Variants in CAMSAP1 observed in about 807,000 individuals in gnomAD.
The protein encoded by CAMSAP1 is calmodulin regulated spectrin associated protein 1.
A neutral mutation model predicts 143.5 loss-of-function variants in CAMSAP1; 58 were observed. The observed-to-expected ratio is 0.40, with a 90% CI of 0.33 to 0.50. The LOEUF is 0.50. Ranked by LOEUF, CAMSAP1 falls within the 20% of genes least tolerant of loss-of-function variation. The pLI, the probability that CAMSAP1 is intolerant of heterozygous loss-of-function variation, is 0.45. For synonymous variants in CAMSAP1, 945 were observed against 859.3 expected (o/e 1.10, Z -1.74); for missense variants, 1,969 against 2,115.7 (o/e 0.93, Z 1.36).
intron 3 of CAMSAP1, among the ~76,000 whole-genome samples, chr9:135,879,576 T>C (rs1308989651): frequency 6.6e-6 from 1 of 151,840 alleles, no homozygotes; most frequent in Non-Finnish European, 1.5e-5. Context: ...TAATTTTTAA[T>C]AATGCCCAAG....
At chr9:135,860,041 CAA>C (rs757256066) in intron 5 of CAMSAP1, among the ~76,000 whole-genome samples, 1 of 120,276 alleles carries the variant, frequency 8.3e-6, no homozygotes, top group Admixed American at 8.5e-5. Context: ...CCTATCTCCA[CAA>C]AAAAAAAAAA....
chr9:135,850,556 G>A lies in CAMSAP1; in HGVS notation c.809-95C>T, dbSNP rs111964184. 3.0e-5 allele frequency: 30 copies of A among 984,704 alleles called. No homozygotes were observed. The African/African-American group carries it at 3.8e-4, about 12-fold the overall frequency. 61.0% of individuals were successfully genotyped at this position (984,704 alleles called of 1,614,324 possible). On this transcript the variant is annotated intron_variant, in intron 5 of 16. Coordinates refer to ENST00000389532, the MANE Select transcript of CAMSAP1 (RefSeq NM_015447.4). ...AAAATGAAAACCATTTTACATAAAGGTAGTAATGAAGATAATGACATTGAG... is the reference window on the plus strand; with the variant it reads ...AAAATGAAAACCATTTTACATAAAGATAGTAATGAAGATAATGACATTGAG...
chr9:135,866,414 A>G (rs768835730), intron 4 of CAMSAP1, 42 bp downstream of exon 4: 21 of 965,858 alleles, frequency 2.2e-5, no homozygotes, highest in Non-Finnish European at 2.9e-5. Context: ...TGGGACCAAC[A>G]TTAACTTAGT....
Position 135,883,123 on chromosome 9 carries a change from C to A in CAMSAP1, c.161-45G>T, listed in dbSNP as rs1038817331. On this transcript the variant is annotated intron_variant, in intron 1 of 16. Coordinates refer to ENST00000389532, the MANE Select transcript of CAMSAP1 (RefSeq NM_015447.4). The stretch of plus-strand genomic sequence containing the variant: ...ACCAGGTGAGTGCCACACACAAGAC[C>A]CAAAGGAAGGAGTTCAAGGCTGCAG... The A allele has an allele frequency of 1.9e-6, 3 of 1,543,730 alleles. 1 individual carries two copies. The highest frequency in any genetic ancestry group is 2.4e-5 in the South Asian group (2 of 83,126).
chr9:135,840,042 C>T (rs1368201390), intron 7 of CAMSAP1, among the ~76,000 whole-genome samples: 1 of 152,216 alleles, frequency 6.6e-6, no homozygotes, highest in Non-Finnish European at 1.5e-5. Flanking sequence ...TGGCACCGTC[C>T]TGGAGAAGAC....
In CAMSAP1 at chr9:135,824,778, A is replaced by T; in HGVS notation, c.1315+11T>A. 6.5e-7 allele frequency: 1 copy of T among 1,534,318 alleles called. No homozygotes were observed. Among genetic ancestry groups the T allele is most frequent in the Non-Finnish European group, 8.8e-7 (1 of 1,139,154 alleles). On this transcript the variant is annotated intron_variant, in intron 9 of 16. Coordinates refer to ENST00000389532, the MANE Select transcript of CAMSAP1 (RefSeq NM_015447.4). This position sits in a 1 kb window ranked among gnomAD's most constrained non-coding sequence, Gnocchi z 4.1. Reference sequence around the variant, plus strand: ...GAAATTAAGGAAAAAAGGAGGAAACAACATTCTTACCAGGGATGTCCTCTC... The same window carrying T: ...GAAATTAAGGAAAAAAGGAGGAAACTACATTCTTACCAGGGATGTCCTCTC...
intron 7 of CAMSAP1, chr9:135,836,754 G>T: frequency 1.0e-6 from 1 of 961,320 alleles, no homozygotes; most frequent in Non-Finnish European, 1.2e-6. Context: ...GCCACACATT[G>T]TCACGTACCT....
At chr9:135,850,047 G>T in intron 7 of CAMSAP1, 90 bp downstream of exon 7, 1 of 1,061,256 alleles carries the variant, frequency 9.4e-7, no homozygotes, top group Non-Finnish European at 1.3e-6. Flanking sequence ...ACTCTGCTGT[G>T]CGAGAAACAT....
In CAMSAP1 at chr9:135,819,154, A is replaced by G; in HGVS notation, c.3823-8T>C. The G allele has an allele frequency of 6.3e-7, 1 of 1,599,556 alleles. No homozygotes were observed. The highest frequency in any genetic ancestry group is 1.1e-5 in the South Asian group (1 of 88,094). On this transcript the variant is annotated splice_polypyrimidine_tract_variant and splice_region_variant and intron_variant, in intron 11 of 16. Coordinates refer to ENST00000389532, the MANE Select transcript of CAMSAP1 (RefSeq NM_015447.4). ...TTCCGCTTTCTGTTCATCCTGCAAG[A>G]CAGAGGCCACACAGAGCATGACAGG...
chr9:135,832,831 G>C (rs571291088), intron 7 of CAMSAP1, among the ~76,000 whole-genome samples: 3 of 152,214 alleles, frequency 2.0e-5, no homozygotes, highest in African/African-American at 7.2e-5. Context: ...TATAACCAAT[G>C]AGTAAAAGAT....
chr9:135,839,030 T>C (rs1441447806), intron 7 of CAMSAP1, among the ~76,000 whole-genome samples: 2 of 152,226 alleles, frequency 1.3e-5, no homozygotes, highest in South Asian at 2.1e-4. Context: ...TTACGCACTT[T>C]CTACTCCATT....
chr9:135,818,393 G>C lies in CAMSAP1; in HGVS notation c.4168+15C>G. On this transcript the variant is annotated intron_variant, in intron 13 of 16. Coordinates refer to ENST00000389532, the MANE Select transcript of CAMSAP1 (RefSeq NM_015447.4). This position sits in a 1 kb window ranked among gnomAD's most constrained non-coding sequence, Gnocchi z 7.7. Reference sequence around the variant, plus strand: ...GGAAGGAAGCGCTGCCCGCGTGAGGGCCGGGGCTGCTTACGGGTGGAGGAG... The same window carrying C: ...GGAAGGAAGCGCTGCCCGCGTGAGGCCCGGGGCTGCTTACGGGTGGAGGAG... 4 of 1,558,420 alleles carry C rather than the reference G, an allele frequency of 2.6e-6. No individual in the cohort carries two copies. Among genetic ancestry groups the C allele is most frequent in the Non-Finnish European group, 3.5e-6 (4 of 1,157,560 alleles).
chr9:135,827,546 C>T lies in CAMSAP1; in HGVS notation c.1084G>A (p.Val362Ile), dbSNP rs1564425363. The T allele has an allele frequency of 1.2e-6, 2 of 1,606,648 alleles. No homozygotes were observed. Among genetic ancestry groups the T allele is most frequent in the African/African-American group, 1.3e-5 (1 of 74,842 alleles). ...VLHQKSSRPP[V>I]PISNATKRSF... ...CGTTTGGTCGCGTTGGAGATCGGTA[C>T]AGGAGGCCGGCTGCTCTTCTGGTGT... is the stretch of plus-strand genomic sequence containing the variant. The change falls in exon 8 of 17, where the codon GTA becomes ATA. Residue 362 changes from valine (V) to isoleucine (I), a missense_variant. Coordinates refer to ENST00000389532, the MANE Select transcript of CAMSAP1 (RefSeq NM_015447.4).
intron 7 of CAMSAP1, among the ~76,000 whole-genome samples, chr9:135,831,305 A>G (rs1835852240): frequency 6.6e-6 from 1 of 152,170 alleles, no homozygotes; most frequent in African/African-American, 2.4e-5. Context: ...GAAGCGGAAT[A>G]CAACATACCA....
intron 3 of CAMSAP1, among the ~76,000 whole-genome samples, chr9:135,880,031 T>G (rs568908733): frequency 6.6e-6 from 1 of 152,174 alleles, no homozygotes; most frequent in African/African-American, 2.4e-5. Context: ...TCATAGGTGA[T>G]AAGATTACGG....
rs148924077 is a variant in CAMSAP1, at chr9:135,830,748, T to C, written c.1046-3164A>G. On this transcript the variant is annotated intron_variant, in intron 7 of 16. Coordinates refer to ENST00000389532, the MANE Select transcript of CAMSAP1 (RefSeq NM_015447.4). ...CCAACAGCAGCAGAATACGTATTTT[T>C]CTCAAGCACATGGGACCCATTCTCC... Among the ~76,000 whole-genome samples, 522 of 152,334 alleles carry C rather than the reference T, an allele frequency of 3.4e-3. 3 individuals carry two copies. Among genetic ancestry groups the C allele is most frequent in the Middle Eastern group, 0.014 (4 of 294 alleles).
intron 7 of CAMSAP1, among the ~76,000 whole-genome samples, chr9:135,833,565 G>A (rs990340390): frequency 2.0e-5 from 3 of 152,178 alleles, no homozygotes; most frequent in African/African-American, 4.8e-5. Flanking sequence ...ATGGGGAAAG[G>A]ATAGTACCTT....
At position 135,836,382 on chromosome 9, in the gene CAMSAP1, CAG is replaced by C. The variant is rs1179189415; in HGVS notation, c.1046-8800_1046-8799del. The C allele has an allele frequency of 3.0e-6, 3 of 984,078 alleles. No homozygotes were observed. The African/African-American group carries it at 5.3e-5, about 17-fold the overall frequency. 61.0% of individuals were successfully genotyped at this position (984,078 alleles called of 1,614,324 possible). ...ACCACATACCTTCTACCCTGTTCTA[CAG>C]ACACACGTTACCACGCTTTTTCTAC... is the stretch of plus-strand genomic sequence containing the variant. On this transcript the variant is annotated intron_variant, in intron 7 of 16. Transcript: ENST00000389532.
In CAMSAP1 at chr9:135,823,204, T is replaced by A. The variant is rs761693789; in HGVS notation, c.1457A>T (p.Asp486Val). The A allele has an allele frequency of 4.4e-6, 7 of 1,586,318 alleles. No homozygotes were observed. Among genetic ancestry groups the A allele is most frequent in the Non-Finnish European group, 6.0e-6 (7 of 1,165,022 alleles). Residue 486 changes from aspartate to valine, a missense_variant, in exon 11 of 17, where the codon GAT (aspartate) becomes GTT (valine). Around this residue, in one of 4 missense-constraint regions of CAMSAP1, gnomAD observed 1,390 missense variants for 1,420.8 expected, o/e 0.98. Coordinates refer to ENST00000389532, the MANE Select transcript of CAMSAP1 (RefSeq NM_015447.4). ...ALHHAASCEV[D>V]PSSGDSISLA... is the part of the protein sequence containing the mutation. Reference sequence around the variant, plus strand: ...GCTGATGCTGTCGCCAGAGCTGGGATCCACTTCACAACTCGCAGCGTGATG... The same window carrying A: ...GCTGATGCTGTCGCCAGAGCTGGGAACCACTTCACAACTCGCAGCGTGATG...
Sources: allele counts gnomAD v4.1 joint callset (sites outside exome capture counted in the v4.1 genomes callset), GRCh38; gene constraint gnomAD v4.1.1; regional missense constraint gnomAD v4.1.1; non-coding constraint Gnocchi (gnomAD v3.1); transcripts MANE v1.5; gene names NCBI Gene and HGNC (gene_info 2026-07-23, HGNC 2026-07-21).